Variants in MAPK8 observed in about 807,000 individuals in gnomAD.
MAPK8 encodes mitogen-activated protein kinase 8, also known as JUN N-terminal kinase.
Under a neutral mutation model 52.9 loss-of-function variants are expected in MAPK8, and 13 were observed. That is an observed-to-expected ratio of 0.25 (90% CI 0.16 to 0.39). The LOEUF is 0.39. Ranked by LOEUF, MAPK8 falls within the 10% of genes least tolerant of loss-of-function variation. The pLI is 1.00. For synonymous variants in MAPK8, 191 were observed against 169.8 expected (o/e 1.12, Z -0.97); for missense variants, 300 against 519.2 (o/e 0.58, Z 4.10).
chr10:48,404,682 A>C (rs1196580540), intron 2 of MAPK8, among the ~76,000 whole-genome samples, 170 bp from the exon 3 acceptor site: 1 of 152,190 alleles, frequency 6.6e-6, no homozygotes, highest in African/African-American at 2.4e-5. Context: ...GTTGCAAAAA[A>C]ATATATGTTG....
intron 1 of MAPK8, among the ~76,000 whole-genome samples, chr10:48,315,665 T>C (rs2132103191): frequency 6.6e-6 from 1 of 150,558 alleles, no homozygotes; most frequent in South Asian, 2.1e-4. Flanking sequence ...TGGTTATATA[T>C]AAGAAAGCTT....
intron 1 of MAPK8, among the ~76,000 whole-genome samples, chr10:48,387,080 A>G (rs1170542016): frequency 6.6e-6 from 1 of 152,228 alleles, no homozygotes; most frequent in East Asian, 1.9e-4. Context: ...AATAAGCCCA[A>G]TTAAGAATTA....
intron 5 of MAPK8, among the ~76,000 whole-genome samples, chr10:48,416,051 G>C (rs972267647): frequency 7.2e-5 from 11 of 152,110 alleles, no homozygotes; most frequent in African/African-American, 2.7e-4. Flanking sequence ...AGGTGGTCTT[G>C]AGGCCACGAT....
chr10:48,316,428 C>T (rs1428546477), intron 1 of MAPK8, among the ~76,000 whole-genome samples: 3 of 152,184 alleles, frequency 2.0e-5, no homozygotes, highest in African/African-American at 4.8e-5. Context: ...CCTAATGATG[C>T]ATTTCTCAGA....
intron 1 of MAPK8, among the ~76,000 whole-genome samples, chr10:48,374,157 C>A (rs1010375015): frequency 1.3e-5 from 2 of 151,998 alleles, no homozygotes; most frequent in South Asian, 4.1e-4. Context: ...GGAAAAATAA[C>A]GAAATGAAAG....
At chr10:48,420,709 A>G (rs17010452) in intron 6 of MAPK8, among the ~76,000 whole-genome samples, 3,702 of 152,282 alleles carry the variant, frequency 0.024, 167 homozygotes, top group African/African-American at 0.085. Context: ...TTCCAACCCC[A>G]TGAAACTAAA....
At chr10:48,355,925 C>T (rs1846878336) in intron 1 of MAPK8, among the ~76,000 whole-genome samples, 7 of 152,120 alleles carry the variant, frequency 4.6e-5, no homozygotes, top group Admixed American at 4.6e-4. Flanking sequence ...GACAGGGGAA[C>T]ATTTTCTTAA....
intron 1 of MAPK8, among the ~76,000 whole-genome samples, chr10:48,373,375 C>A (rs1257660186): frequency 5.9e-5 from 9 of 151,758 alleles, no homozygotes; most frequent in Non-Finnish European, 1.2e-4. Context: ...GGATCAATTT[C>A]ACACATAACA....
chr10:48,389,241 T>C (rs534370838), intron 1 of MAPK8, among the ~76,000 whole-genome samples: 1 of 152,096 alleles, frequency 6.6e-6, no homozygotes, highest in Admixed American at 6.5e-5. Context: ...AGGAGTGAGG[T>C]TAAATTTAAG....
intron 1 of MAPK8, among the ~76,000 whole-genome samples, chr10:48,311,609 C>A (rs1285324335): frequency 6.6e-6 from 1 of 152,162 alleles, no homozygotes; most frequent in Admixed American, 6.5e-5. Flanking sequence ...GCTGTCACAT[C>A]TTTTAAATTT....
At chr10:48,330,612 A>G (rs1282828633) in intron 1 of MAPK8, among the ~76,000 whole-genome samples, 3 of 152,192 alleles carry the variant, frequency 2.0e-5, no homozygotes, top group Non-Finnish European at 2.9e-5. Context: ...GAGACTTTCA[A>G]TGGCAGTCTT....
chr10:48,382,432 C>T (rs189620523), intron 1 of MAPK8, among the ~76,000 whole-genome samples: 65 of 152,142 alleles, frequency 4.3e-4, no homozygotes, highest in African/African-American at 1.4e-3. Flanking sequence ...CAGATCTGTA[C>T]ACATATATAC....
intron 1 of MAPK8, among the ~76,000 whole-genome samples, chr10:48,341,052 AGTT>A (rs1279665448): frequency 6.6e-6 from 1 of 152,202 alleles, no homozygotes; most frequent in Non-Finnish European, 1.5e-5. Context: ...TCCAATTTCT[AGTT>A]GTTACTGTAA....
At chr10:48,424,473 A>G in intron 7 of MAPK8, 2 of 1,309,516 alleles carry the variant, frequency 1.5e-6, no homozygotes, top group Non-Finnish European at 1.1e-6. Flanking sequence ...TTTTATTTTA[A>G]CCAAAATCTT....
chr10:48,334,944 C>G (rs1375850507), intron 1 of MAPK8, among the ~76,000 whole-genome samples: 4 of 152,174 alleles, frequency 2.6e-5, no homozygotes, highest in Admixed American at 6.5e-5. Context: ...CAGACGTTGC[C>G]TAAGTTTCAT....
intron 1 of MAPK8, among the ~76,000 whole-genome samples, chr10:48,323,846 CCT>C (rs1412681612): frequency 1.3e-5 from 2 of 151,912 alleles, no homozygotes; most frequent in East Asian, 3.9e-4. Context: ...AAAATGATGC[CCT>C]CTCTTTTTTG....
At chr10:48,426,993 C>T (rs2043724439) in intron 9 of MAPK8, 87 bp from the exon 10 acceptor site, 1 of 898,880 alleles carries the variant, frequency 1.1e-6, no homozygotes, top group Non-Finnish European at 1.8e-6. Context: ...TTTTATAAGT[C>T]ATCTGTGTGG....
intron 1 of MAPK8, among the ~76,000 whole-genome samples, chr10:48,396,121 A>G (rs968845157): frequency 1.3e-5 from 2 of 152,080 alleles, no homozygotes; most frequent in Admixed American, 6.5e-5. Context: ...AAAATTAAAA[A>G]CTTTTACTCT....
chr10:48,428,877 G>A (rs1589283469), intron 10 of MAPK8, among the ~76,000 whole-genome samples: 1 of 151,474 alleles, frequency 6.6e-6, no homozygotes, highest in African/African-American at 2.4e-5. Context: ...CTAGAGTGCA[G>A]TGGTATGATC....
Sources: allele counts gnomAD v4.1 joint callset (sites outside exome capture counted in the v4.1 genomes callset), GRCh38; gene constraint gnomAD v4.1.1; transcripts MANE v1.5; gene names NCBI Gene and HGNC (gene_info 2026-07-23, HGNC 2026-07-21).